The following SYNE2 variants were observed in gnomAD, a reference collection of about 807,000 sequenced individuals.
SYNE2 encodes the protein nesprin-2.
Under a neutral mutation model 856.3 loss-of-function variants are expected in SYNE2, and 431 were observed. That is an observed-to-expected ratio of 0.50 (90% confidence interval 0.47 to 0.55). The LOEUF is 0.55. Ranked by LOEUF, SYNE2 falls within the 20% of genes least tolerant of loss-of-function variation. The pLI is 0.00. For missense variants in SYNE2, 8,129 were observed against 8,023.2 expected, an observed-to-expected ratio of 1.01 and a Z score of -0.50; for synonymous variants, 2,923 against 2,872.3, an observed-to-expected ratio of 1.02 and a Z score of -0.56.
chr14:63,958,061 C>G (rs1039631203), intron 8 of SYNE2, among the ~76,000 whole-genome samples: 1 of 151,910 alleles, frequency 6.6e-6, no homozygotes, highest in Admixed American at 6.6e-5. Context: ...AAAAAAAAAG[C>G]CTTTTCAGTT....
At chr14:63,897,855 G>A (rs1157408477) in intron 1 of SYNE2, among the ~76,000 whole-genome samples, 1 of 152,204 alleles carries the variant, frequency 6.6e-6, no homozygotes, top group Admixed American at 6.5e-5. Context: ...GAAGTCAGAT[G>A]ATGAGAGCTC....
At chr14:64,088,916 G>C (rs1247323254) in intron 58 of SYNE2, among the ~76,000 whole-genome samples, 2 of 152,260 alleles carry the variant, frequency 1.3e-5, no homozygotes, top group East Asian at 1.9e-4. Flanking sequence ...TATAATGTTT[G>C]ATGAAAATTA....
Position 64,221,633 on chromosome 14 carries a change from A to C in SYNE2, c.20119A>C (p.Arg6707=). The C allele has an allele frequency of 6.2e-7, 1 of 1,614,116 alleles. No homozygotes were observed. Among genetic ancestry groups the C allele is most frequent in the Non-Finnish European group, 8.5e-7 (1 of 1,180,024 alleles). ...LLWLASAKNR[R]QKAHVTDPKA... ...GTGGTTAGCGAGTGCCAAGAACCGG[A>C]GGCAGAAGGCTCATGTCACCGATCC... The change falls in exon 112 of 116, where the codon AGG becomes CGG. Residue 6707 remains arginine, a synonymous_variant. Transcript: ENST00000555002.
At position 64,214,338 on chromosome 14, in the gene SYNE2, C is replaced by T. The variant is rs763033193; in HGVS notation, c.19201C>T (p.His6401Tyr). The T allele has an allele frequency of 6.2e-7, 1 of 1,614,146 alleles. No individual in the cohort carries two copies. The highest frequency in any genetic ancestry group is 8.5e-7 in the Non-Finnish European group (1 of 1,180,012). The stretch of plus-strand genomic sequence containing the variant: ...CCTGTGTCATCTAGTGGCCCCAGGG[C>T]ACGAGCGGTCTGGCTGCGAGACCCC... ...QSLCHLVAPGHERSGCETPVS... is the reference protein window; with the variant it reads ...QSLCHLVAPGYERSGCETPVS... The change falls in exon 106 of 116, where the codon CAC (histidine) becomes TAC (tyrosine). Residue 6401 changes from histidine to tyrosine, a missense_variant. By Grantham distance (83) the His-to-Tyr change is moderately conservative. This residue lies in a region of SYNE2 where 5,410 missense variants were observed against 5,284.8 expected (regional missense o/e 1.02). Transcript: ENST00000555002.
intron 1 of SYNE2, among the ~76,000 whole-genome samples, chr14:63,894,772 G>A (rs756985283): frequency 3.6e-4 from 55 of 152,074 alleles, no homozygotes; most frequent in Non-Finnish European, 6.3e-4. Context: ...CCCTCACTAC[G>A]TTCTCTCTCT....
At position 64,027,675 on chromosome 14, in the gene SYNE2, TA is replaced by T; in HGVS notation, c.6599del (p.Lys2200ArgfsTer3). The stretch of plus-strand genomic sequence containing the variant: ...AAAGCCCAAGATTTGACATCCTTGC[TA>T]AAGGAGTTAAAATCTCAGGGAAACT... ...LKKAQDLTSL[L>X]KELKSQGNYL... On this transcript the variant is annotated frameshift_variant, in exon 43 of 116. Transcript: ENST00000555002. LOFTEE classifies it high-confidence loss of function. 1.2e-6 allele frequency: 2 copies of T among 1,614,072 alleles called. No individual in the cohort carries two copies. Among genetic ancestry groups the T allele is most frequent in the Non-Finnish European group, 1.7e-6 (2 of 1,179,952 alleles).
intron 1 of SYNE2, among the ~76,000 whole-genome samples, chr14:63,792,231 G>A (rs1346213907): frequency 6.6e-6 from 1 of 152,116 alleles, no homozygotes; most frequent in East Asian, 1.9e-4. Context: ...TAGATTCAAA[G>A]ATATAATGTA....
chr14:64,037,839 G>T (rs2097106620), intron 45 of SYNE2, among the ~76,000 whole-genome samples: 1 of 150,042 alleles, frequency 6.7e-6, no homozygotes, highest in Non-Finnish European at 1.5e-5. Flanking sequence ...GGCTGGGCGG[G>T]GGGCTGACAC....
intron 1 of SYNE2, among the ~76,000 whole-genome samples, chr14:63,808,212 G>C (rs1480910308): frequency 6.9e-6 from 1 of 145,172 alleles, no homozygotes; most frequent in South Asian, 2.3e-4. Flanking sequence ...ACAGGTGTGA[G>C]CCACTGCACC....
chr14:64,039,608 C>A (rs990628245), intron 45 of SYNE2, among the ~76,000 whole-genome samples: 1 of 152,166 alleles, frequency 6.6e-6, no homozygotes, highest in Non-Finnish European at 1.5e-5. Flanking sequence ...GTAGCCCAAC[C>A]ATGCTTTGAT....
At position 64,170,388 on chromosome 14, in the gene SYNE2, C is replaced by T; in HGVS notation, c.17161C>T (p.His5721Tyr). ...GTTTCGCTTCCTCACTGACACCAGC[C>T]ACCTGCTATCTGCAGTGAAGGGCCA... ...NLFRFLTDTS[H>Y]LLSAVKGQER... Residue 5721 changes from histidine (H) to tyrosine (Y), a missense_variant, in exon 94 of 116, where the codon CAC (histidine) becomes TAC (tyrosine). Coordinates refer to ENST00000555002, the MANE Select transcript of SYNE2 (RefSeq NM_182914.3). 6.2e-7 allele frequency: 1 copy of T among 1,614,166 alleles called. No individual in the cohort carries two copies. The highest frequency in any genetic ancestry group is 8.5e-7 in the Non-Finnish European group (1 of 1,180,036).
rs147119941 is a variant in SYNE2 at position 64,019,418 on chromosome 14, T to A, written c.5050-574T>A. On this transcript the variant is annotated intron_variant, in intron 34 of 115. Transcript: ENST00000555002. ...ACTATTTTATTTACTTTTTAATTCA[T>A]GTATTTATTTTTACATATTTGGAAA... 6.2e-4 allele frequency among the ~76,000 whole-genome samples: 94 copies of A among 152,352 alleles called. No homozygotes were observed. In the East Asian group the frequency reaches 0.017, roughly 28 times the overall value.
chr14:63,807,160 A>G (rs912573963), intron 1 of SYNE2, among the ~76,000 whole-genome samples: 2 of 152,138 alleles, frequency 1.3e-5, no homozygotes, highest in African/African-American at 2.4e-5. Context: ...AGTCTCTACA[A>G]AAAGTACCAA....
Position 64,026,628 on chromosome 14 carries a change from T to G in SYNE2, c.6302T>G (p.Met2101Arg), listed in dbSNP as rs1473588731. The G allele has an allele frequency of 6.2e-7, 1 of 1,613,746 alleles. No homozygotes were observed. The highest frequency in any genetic ancestry group is 2.2e-5 in the East Asian group (1 of 44,898). Residue 2101 changes from methionine to arginine, a missense_variant, in exon 42 of 116, where the codon ATG becomes AGG. Transcript: ENST00000555002. ...GGGGATGCCAGAATAGAGACCATCA[T>G]GAAGCAGGCTGAGAGCAGCGAGGCC... The part of the protein sequence containing the change: ...PEGDARIETI[M>R]KQAESSEAPL...
At chr14:63,981,797 C>G (rs756857155) in intron 16 of SYNE2, among the ~76,000 whole-genome samples, 7 of 151,936 alleles carry the variant, frequency 4.6e-5, no homozygotes, top group Non-Finnish European at 1.0e-4. Context: ...TTAAACATTT[C>G]CAAAATAGAA....
At position 64,219,096 on chromosome 14, in the gene SYNE2, G is replaced by GTTTTTTTTTTTTTTTTTTTTTTTTT; in HGVS notation, c.19658-105_19658-104insTTTTTTTTTTTTTTTTTTTTTTTTT. ...CCTTCTGTCAGGGGAATCCCCTACA[G>GTTTTTTTTTTTTTTTTTTTTTTTTT]TTTTTTTGTTTTTTTTTTTTTTTTT... On this transcript the variant is annotated intron_variant, in intron 109 of 115. Transcript: ENST00000555002. 11 of 758,458 alleles carry GTTTTTTTTTTTTTTTTTTTTTTTTT rather than the reference G, an allele frequency of 1.5e-5. 3 individuals are homozygous for GTTTTTTTTTTTTTTTTTTTTTTTTT. Among genetic ancestry groups the GTTTTTTTTTTTTTTTTTTTTTTTTT allele is most frequent in the African/African-American group, 5.6e-5 (2 of 35,684 alleles). The allele number at this position is 758,458 out of a possible 1,614,324, so 47.0% of individuals were successfully genotyped here.
chr14:64,160,631 T>G (rs983592562), intron 87 of SYNE2, among the ~76,000 whole-genome samples: 4 of 152,216 alleles, frequency 2.6e-5, no homozygotes, highest in Non-Finnish European at 5.9e-5. Context: ...CTTTGATTCT[T>G]TAATCAGCAG....
At chr14:64,014,991 A>G (rs1166223895) in intron 32 of SYNE2, among the ~76,000 whole-genome samples, 138 of 141,694 alleles carry the variant, frequency 9.7e-4, no homozygotes, top group Middle Eastern at 3.6e-3. Context: ...ACACACACAC[A>G]CATATATAAA....
chr14:63,832,535 A>AATT (rs1416407881), intron 1 of SYNE2, among the ~76,000 whole-genome samples: 1 of 152,058 alleles, frequency 6.6e-6, no homozygotes, highest in East Asian at 1.9e-4. Flanking sequence ...ACCAGAGAAA[A>AATT]ATTATTATTT....
Sources: allele counts gnomAD v4.1 joint callset (sites outside exome capture counted in the v4.1 genomes callset), GRCh38; gene constraint gnomAD v4.1.1; regional missense constraint gnomAD v4.1.1; transcripts MANE v1.5; gene names NCBI Gene and HGNC (gene_info 2026-07-23, HGNC 2026-07-21).